The following EVI5 variants were observed in gnomAD, a reference collection of about 807,000 sequenced individuals.
EVI5 encodes ecotropic viral integration site 5.
Under a neutral mutation model 112.0 loss-of-function variants are expected in EVI5, and 73 were observed. That is an observed-to-expected ratio of 0.65 (90% confidence interval 0.54 to 0.79). The LOEUF (loss-of-function observed/expected upper bound fraction) is 0.79, where lower values mean the gene tolerates loss of function less well. Among genes scored for constraint, EVI5 ranks in the 30% least tolerant of loss-of-function variants. The pLI, the probability that EVI5 is intolerant of heterozygous loss-of-function variation, is 0.00. For missense variants in EVI5, 900 were observed against 968.8 expected (o/e 0.93, Z 0.94); for synonymous variants, 305 against 319.9 (o/e 0.95, Z 0.50).
chr1:92,780,852 A>T lies in EVI5; in HGVS notation c.-82+3984T>A, dbSNP rs929957488. Among the ~76,000 whole-genome samples, 484 of 139,748 alleles carry T rather than the reference A, an allele frequency of 3.5e-3. 7 individuals are homozygous for T. The highest frequency in any genetic ancestry group is 3.1e-3 in the Non-Finnish European group (200 of 64,172). The allele number at this position is 139,748 out of a possible 152,430, so 91.7% of individuals were successfully genotyped here. A position where few individuals can be genotyped will look rare whatever the true frequency, so the allele number is the denominator to read the frequency against. On this transcript the variant is annotated intron_variant, in intron 1 of 19. Transcript: ENST00000684568. ...TTGTCTCAAAGAAAAAAAAAAGTAA[A>T]TTTTTTTTTTTTTTTTTGAGACCGA...
intron 1 of EVI5, among the ~76,000 whole-genome samples, chr1:92,738,391 AT>A (rs1677795228): frequency 6.6e-6 from 1 of 152,220 alleles, no homozygotes; most frequent in African/African-American, 2.4e-5. Context: ...TATAAAATTT[AT>A]AAAAAAATGG....
At chr1:92,738,419 T>C (rs1326795763) in intron 1 of EVI5, among the ~76,000 whole-genome samples, 1 of 152,194 alleles carries the variant, frequency 6.6e-6, no homozygotes, top group African/African-American at 2.4e-5. Flanking sequence ...TTACCAATAA[T>C]TTCAAATATA....
intron 10 of EVI5, among the ~76,000 whole-genome samples, chr1:92,670,164 T>C (rs186439371): frequency 1.3e-5 from 2 of 152,174 alleles, no homozygotes; most frequent in Admixed American, 1.3e-4. Flanking sequence ...TAACTGGCTA[T>C]GGAAATAATA....
At chr1:92,702,960 A>T (rs1021719440) in intron 4 of EVI5, among the ~76,000 whole-genome samples, 4 of 152,154 alleles carry the variant, frequency 2.6e-5, no homozygotes, top group Non-Finnish European at 5.9e-5. Flanking sequence ...GGGAAGGGAA[A>T]TGGCAATATT....
At chr1:92,734,845 T>TAAA (rs1379163001) in intron 2 of EVI5, among the ~76,000 whole-genome samples, 1 of 151,824 alleles carries the variant, frequency 6.6e-6, no homozygotes, top group Non-Finnish European at 1.5e-5. Flanking sequence ...AATTTTTTTT[T>TAAA]AAAAATCAAA....
chr1:92,669,506 C>T (rs1321845982), intron 10 of EVI5, among the ~76,000 whole-genome samples: 1 of 124,244 alleles, frequency 8.0e-6, no homozygotes, highest in Non-Finnish European at 1.6e-5. Context: ...CAAGACCATG[C>T]CACTGCACTC....
At chr1:92,627,056 T>C (rs1433390821) in intron 14 of EVI5, among the ~76,000 whole-genome samples, 1 of 152,210 alleles carries the variant, frequency 6.6e-6, no homozygotes, top group African/African-American at 2.4e-5. Context: ...AGGTGGTATT[T>C]GGTTACATGA....
Position 92,644,959 on chromosome 1 carries a change from A to G in EVI5, c.1393-8623T>C, listed in dbSNP as rs977512728. On this transcript the variant is annotated intron_variant, in intron 13 of 19. Transcript: ENST00000684568. ...TTCTATCTTCATAAATCTTCCATGT[A>G]TGTTTGAAAGGATATGTATTCTGCT... Among the ~76,000 whole-genome samples the G allele has an allele frequency of 4.6e-5, 7 of 152,120 alleles. No individual in the cohort carries two copies. The South Asian group carries it at 1.0e-3, about 23-fold the overall frequency.
At chr1:92,754,499 G>A (rs1457263390) in intron 1 of EVI5, among the ~76,000 whole-genome samples, 1 of 146,266 alleles carries the variant, frequency 6.8e-6, no homozygotes, top group East Asian at 2.2e-4. Flanking sequence ...TTAGCTGGGC[G>A]ATTCTGGCTC....
chr1:92,681,189 TTTGA>T (rs1667523976), intron 9 of EVI5, among the ~76,000 whole-genome samples: 1 of 152,146 alleles, frequency 6.6e-6, no homozygotes, highest in Admixed American at 6.6e-5. Flanking sequence ...ATTTCCTTGT[TTTGA>T]TTAACTACTG....
intron 9 of EVI5, among the ~76,000 whole-genome samples, chr1:92,678,564 T>A (rs1667111279): frequency 6.6e-6 from 1 of 152,050 alleles, no homozygotes; most frequent in South Asian, 2.1e-4. Flanking sequence ...AGAAAAAAGA[T>A]GTCCTGAAAA....
At chr1:92,675,786 C>T (rs1163499348) in intron 10 of EVI5, among the ~76,000 whole-genome samples, 1 of 151,816 alleles carries the variant, frequency 6.6e-6, no homozygotes, top group Non-Finnish European at 1.5e-5. Flanking sequence ...GAAACCCCAT[C>T]TTTACTAAAA....
At chr1:92,740,843 G>C (rs1678259633) in intron 1 of EVI5, among the ~76,000 whole-genome samples, 1 of 152,160 alleles carries the variant, frequency 6.6e-6, no homozygotes, top group African/African-American at 2.4e-5. Flanking sequence ...CAGTATCTTT[G>C]TTAATTGTAT....
intron 5 of EVI5, chr1:92,700,844 C>T (rs1003116): frequency 0.61 from 93,120 of 152,028 alleles, 29,353 homozygotes; most frequent in East Asian, 0.92. Flanking sequence ...TCTACCAATA[C>T]TAAATAAAGT....
At chr1:92,568,090 C>T (rs1474349591) in intron 18 of EVI5, among the ~76,000 whole-genome samples, 2 of 152,016 alleles carry the variant, frequency 1.3e-5, no homozygotes, top group African/African-American at 2.4e-5. Context: ...AAATAAATTT[C>T]TGGCTGGGCG....
chr1:92,786,068 G>A (rs996803223), upstream of EVI5, among the ~76,000 whole-genome samples: 7 of 148,208 alleles, frequency 4.7e-5, no homozygotes, highest in Non-Finnish European at 8.9e-5. Flanking sequence ...TCCAGCCTGG[G>A]CGACAGAACG....
At chr1:92,644,329 A>C (rs779241044) in intron 13 of EVI5, among the ~76,000 whole-genome samples, 18 of 152,254 alleles carry the variant, frequency 1.2e-4, no homozygotes, top group Non-Finnish European at 2.1e-4. Context: ...GGAATTAGAC[A>C]AATCTAGAAT....
At chr1:92,639,757 G>A (rs2101943029) in intron 13 of EVI5, among the ~76,000 whole-genome samples, 1 of 152,138 alleles carries the variant, frequency 6.6e-6, no homozygotes, top group Middle Eastern at 3.4e-3. Flanking sequence ...CACAGAATTA[G>A]AAAAAAACTA....
At chr1:92,570,331 G>A (rs1235732741) in intron 18 of EVI5, among the ~76,000 whole-genome samples, 1 of 151,962 alleles carries the variant, frequency 6.6e-6, no homozygotes, top group East Asian at 1.9e-4. Context: ...GCGAGGGCAG[G>A]GGGGGCCTAA....
Sources: allele counts gnomAD v4.1 joint callset (sites outside exome capture counted in the v4.1 genomes callset), GRCh38; gene constraint gnomAD v4.1.1; transcripts MANE v1.5; gene names NCBI Gene and HGNC (gene_info 2026-07-23, HGNC 2026-07-21).